Variants in SLIT1 observed in about 807,000 individuals in gnomAD.
SLIT1 encodes the protein slit guidance ligand 1.
SLIT1 carries 66 observed loss-of-function variants against 186.1 expected under a neutral mutation model. The ratio of observed to expected loss-of-function variants is 0.35; its 90% confidence interval spans 0.29 to 0.44. The LOEUF (loss-of-function observed/expected upper bound fraction) is 0.44, where lower values mean the gene tolerates loss of function less well. SLIT1 is among the 20% of genes least tolerant of loss of function. The probability of loss-of-function intolerance (pLI) is 1.00; values close to 1 mark genes in which losing one functional copy is unlikely to be tolerated. For missense variants in SLIT1, 1,638 were observed against 2,037.4 expected (o/e 0.80, Z 3.77); for synonymous variants, 761 against 833.8 (o/e 0.91, Z 1.50).
chr10:97,095,686 C>T (rs1207351231), intron 4 of SLIT1, among the ~76,000 whole-genome samples: 2 of 152,190 alleles, frequency 1.3e-5, no homozygotes, highest in Non-Finnish European at 2.9e-5. Flanking sequence ...GTTGAACCTG[C>T]GTCTGTGCCC....
At chr10:97,017,848 C>CTT (rs1177419241) in intron 28 of SLIT1, among the ~76,000 whole-genome samples, 108 of 134,630 alleles carry the variant, frequency 8.0e-4, no homozygotes, top group African/African-American at 2.0e-3. Context: ...ATTTTCTTTT[C>CTT]TTTTTTTTTT....
At chr10:97,023,486 T>C (rs1457156561) in intron 25 of SLIT1, among the ~76,000 whole-genome samples, 1 of 152,152 alleles carries the variant, frequency 6.6e-6, no homozygotes, top group Non-Finnish European at 1.5e-5. Context: ...TGTATCCACT[T>C]ACACTGGCCA....
chr10:97,043,494 T>C lies in SLIT1; in HGVS notation c.1873A>G (p.Ile625Val). 1 of 1,613,482 alleles carries C rather than the reference T, an allele frequency of 6.2e-7. No individual in the cohort carries two copies. Among genetic ancestry groups the C allele is most frequent in the East Asian group, 2.2e-5 (1 of 44,856 alleles). Residue 625 changes from isoleucine (I) to valine (V), a missense_variant, in exon 19 of 37, where the codon ATC becomes GTC. By Grantham distance (29) the Ile-to-Val change is conservative (BLOSUM62 3). Transcript: ENST00000266058. The surrounding 1 kb of genome is among the most constrained non-coding windows in gnomAD (Gnocchi z 7.0). ...AAGCTGTCGTTGTGGATGCAGCTGA[T>C]GCGGTTGTTCCGCAGCATTCTGGGG... ...LRTLMLRNNR[I>V]SCIHNDSFTG...
At chr10:97,097,938 C>T (rs1451142038) in intron 4 of SLIT1, among the ~76,000 whole-genome samples, 1 of 152,208 alleles carries the variant, frequency 6.6e-6, no homozygotes, top group African/African-American at 2.4e-5. Context: ...TCCACACGTA[C>T]ATTTGCAATC....
At position 97,043,459 on chromosome 10, in the gene SLIT1, C is replaced by T; in HGVS notation, c.1908G>A (p.Leu636=). 6.2e-7 allele frequency: 1 copy of T among 1,613,976 alleles called. No homozygotes were observed. Among genetic ancestry groups the T allele is most frequent in the Non-Finnish European group, 8.5e-7 (1 of 1,180,006 alleles). The change falls in exon 19 of 37, where the codon CTG becomes CTA. Residue 636 remains leucine, a synonymous_variant. Transcript: ENST00000266058. This position sits in a 1 kb window ranked among gnomAD's most constrained non-coding sequence, Gnocchi z 7.0. The part of the protein sequence containing the change: ...SCIHNDSFTG[L]RNVRLLSLYD... ...AGAGCGAGAGGAGCCGGACGTTGCG[C>T]AGGCCCGTGAAGCTGTCGTTGTGGA...
chr10:97,179,350 TTGGGAGGCTGAG>T (rs1246032392), intron 1 of SLIT1, among the ~76,000 whole-genome samples: 1 of 152,208 alleles, frequency 6.6e-6, no homozygotes, highest in Non-Finnish European at 1.5e-5. Flanking sequence ...TTCCAGCTAC[TTGGGAGGCTGAG>T]TGGGAGGATC....
At chr10:97,083,225 G>A (rs936432694) in intron 4 of SLIT1, among the ~76,000 whole-genome samples, 1 of 152,172 alleles carries the variant, frequency 6.6e-6, no homozygotes, top group Non-Finnish European at 1.5e-5. Flanking sequence ...ATGAGATACT[G>A]CACCTGGCCA....
chr10:97,021,918 G>A lies in SLIT1; in HGVS notation c.2583-505C>T, dbSNP rs1848505600. On this transcript the variant is annotated intron_variant, in intron 25 of 36. Coordinates refer to ENST00000266058, the MANE Select transcript of SLIT1 (RefSeq NM_003061.3). This position sits in a 1 kb window ranked among gnomAD's most constrained non-coding sequence, Gnocchi z 4.5. The stretch of plus-strand genomic sequence containing the variant: ...TTGTCTCACTTAGTCATCACCACAC[G>A]CTACTATTCTCATTTTACATGTGCA... 1.3e-5 allele frequency among the ~76,000 whole-genome samples: 2 copies of A among 152,174 alleles called. No homozygotes were observed. The highest frequency in any genetic ancestry group is 2.9e-5 in the Non-Finnish European group (2 of 68,028).
At position 97,064,425 on chromosome 10, in the gene SLIT1, G is replaced by A. The variant is rs150304789; in HGVS notation, c.558-186C>T. Among the ~76,000 whole-genome samples the A allele has an allele frequency of 3.2e-3, 489 of 152,270 alleles. 5 individuals are homozygous for A. Among genetic ancestry groups the A allele is most frequent in the African/African-American group, 0.011 (446 of 41,560 alleles). On this transcript the variant is annotated intron_variant, in intron 6 of 36. Coordinates refer to ENST00000266058, the MANE Select transcript of SLIT1 (RefSeq NM_003061.3). ...CCACAGGAAAGCCCTGAGCTGGGACGGTGACCGTAAGCCGACAGCACCATA... is the reference window on the plus strand; with the variant it reads ...CCACAGGAAAGCCCTGAGCTGGGACAGTGACCGTAAGCCGACAGCACCATA...
intron 4 of SLIT1, among the ~76,000 whole-genome samples, chr10:97,105,510 C>A (rs781115169): frequency 1.3e-5 from 2 of 152,144 alleles, no homozygotes; most frequent in African/African-American, 4.8e-5. Flanking sequence ...CTCCAGTGAC[C>A]GTGGTGTAAT....
At chr10:97,096,400 T>C (rs1283260302) in intron 4 of SLIT1, among the ~76,000 whole-genome samples, 1 of 151,878 alleles carries the variant, frequency 6.6e-6, no homozygotes, top group African/African-American at 2.4e-5. Flanking sequence ...AGCGCCCTGT[T>C]CCCTCAACCC....
At chr10:97,116,716 G>C (rs1446154645) in intron 4 of SLIT1, among the ~76,000 whole-genome samples, 1 of 152,190 alleles carries the variant, frequency 6.6e-6, no homozygotes, top group Non-Finnish European at 1.5e-5. Flanking sequence ...CCTCCTCTCT[G>C]GTGCAGGCTG....
intron 4 of SLIT1, among the ~76,000 whole-genome samples, chr10:97,112,193 C>T (rs1849471212): frequency 6.6e-6 from 1 of 152,188 alleles, no homozygotes; most frequent in African/African-American, 2.4e-5. Context: ...AGTGATGCCC[C>T]CTCCTCTAGG....
chr10:97,144,860 C>T (rs1849800732), intron 4 of SLIT1, among the ~76,000 whole-genome samples: 1 of 152,194 alleles, frequency 6.6e-6, no homozygotes, highest in Admixed American at 6.5e-5. Context: ...ACAATACCTG[C>T]ACTACATGCT....
intron 12 of SLIT1, among the ~76,000 whole-genome samples, chr10:97,056,675 A>G (rs989232943): frequency 6.6e-6 from 1 of 152,226 alleles, no homozygotes; most frequent in African/African-American, 2.4e-5. Context: ...CATCTTGGTC[A>G]ACCCACTCGT....
At chr10:97,042,803 G>C (rs1848701159) in intron 20 of SLIT1, 98 bp downstream of exon 20, 1 of 1,328,236 alleles carries the variant, frequency 7.5e-7, no homozygotes, top group South Asian at 1.4e-5. Context: ...GGCATGCCAG[G>C]GGGTGCTGCC....
intron 4 of SLIT1, among the ~76,000 whole-genome samples, chr10:97,111,968 C>G (rs1282428472): frequency 6.6e-6 from 1 of 152,232 alleles, no homozygotes; most frequent in Non-Finnish European, 1.5e-5. Context: ...AAGCCAAGCC[C>G]CTCAGCAGAA....
chr10:97,164,664 A>G (rs1160960060), intron 2 of SLIT1, among the ~76,000 whole-genome samples, 155 bp downstream of exon 2: 1 of 151,736 alleles, frequency 6.6e-6, no homozygotes, highest in African/African-American at 2.4e-5. Context: ...ACTCAACATC[A>G]CCCCACCCGA....
chr10:97,164,773 C>T (rs773942030), intron 2 of SLIT1, 46 bp downstream of exon 2: 142 of 1,379,928 alleles, frequency 1.0e-4, no homozygotes, highest in Non-Finnish European at 8.1e-5. Flanking sequence ...CCAGGACTGC[C>T]GTGGCATTGC....
Sources: gnomAD v4.1 joint callset for allele counts (sites outside exome capture counted in the v4.1 genomes callset) on GRCh38, gnomAD v4.1.1 for gene constraint, Gnocchi (gnomAD v3.1) non-coding constraint, MANE v1.5 for transcripts, NCBI Gene and HGNC (gene_info 2026-07-23, HGNC 2026-07-21) for gene names.